Variants in HPSE2 observed in about 807,000 individuals in gnomAD.
HPSE2 encodes inactive heparanase-2.
In HPSE2, 38 loss-of-function variants were observed where a neutral mutation model predicts 60.5. The ratio of observed to expected loss-of-function variants is 0.63; its 90% CI spans 0.48 to 0.82. HPSE2 has a LOEUF of 0.82. Ranked by LOEUF, HPSE2 falls within the 40% of genes least tolerant of loss-of-function variation. The pLI, the probability that HPSE2 is intolerant of heterozygous loss-of-function variation, is 0.00. For missense variants in HPSE2, 713 were observed against 740.4 expected (o/e 0.96, Z 0.43); for synonymous variants, 295 against 293.2 (o/e 1.01, Z -0.06).
chr10:98,781,014 T>C (rs1288036713), intron 3 of HPSE2, among the ~76,000 whole-genome samples: 1 of 152,046 alleles, frequency 6.6e-6, no homozygotes, highest in Admixed American at 6.6e-5. Context: ...TCTACCTTTA[T>C]CTCTTTCTGC....
intron 3 of HPSE2, among the ~76,000 whole-genome samples, chr10:98,771,205 C>T (rs1335650534): frequency 6.6e-6 from 1 of 152,058 alleles, no homozygotes; most frequent in Non-Finnish European, 1.5e-5. Context: ...CATGGCTAAG[C>T]AGAAAACTGA....
Position 99,235,747 on chromosome 10 carries a change from G to C in HPSE2, c.56C>G (p.Pro19Arg), listed in dbSNP as rs756798176. The change falls in exon 1 of 12, where the codon CCC (proline) becomes CGC (arginine). Residue 19 changes from proline to arginine, a missense_variant. Physicochemically the swap from Pro to Arg is moderately radical, Grantham distance 103. Coordinates refer to ENST00000370552, the MANE Select transcript of HPSE2 (RefSeq NM_021828.5). ...EAMPSSNSRP[P>R]ACLAPGALYL... ...GAGAGCCCCCGGGGCTAGGCACGCG[G>C]GGGGGCGGGAGTTGCTGGAGGGCAT... The C allele has an allele frequency of 6.8e-6, 11 of 1,613,950 alleles. No individual in the cohort carries two copies. The highest frequency in any genetic ancestry group is 1.3e-5 in the African/African-American group (1 of 75,006).
rs530617052 is a variant in HPSE2, at chr10:98,940,409, C to T, written c.611-196353G>A. On this transcript the variant is annotated intron_variant, in intron 3 of 11. Coordinates refer to ENST00000370552, the MANE Select transcript of HPSE2 (RefSeq NM_021828.5). ...AAAATGATAAAGGGGATATCACCACCGATCCCACAGAAATACAAACTACCA... is the reference window on the plus strand; with the variant it reads ...AAAATGATAAAGGGGATATCACCACTGATCCCACAGAAATACAAACTACCA... Among the ~76,000 whole-genome samples, 41 of 142,618 alleles carry T rather than the reference C, an allele frequency of 2.9e-4. 6 individuals are homozygous for T. The highest frequency in any genetic ancestry group is 2.6e-3 in the East Asian group (13 of 5,046). 93.6% of individuals were successfully genotyped at this position (142,618 alleles called of 152,430 possible). A position where few individuals can be genotyped will look rare whatever the true frequency, so the allele number is the denominator to read the frequency against.
At chr10:99,250,313 T>C in the HPSE2 span, among the ~76,000 whole-genome samples, 1 of 152,124 alleles carries the variant, frequency 6.6e-6, no homozygotes, top group Non-Finnish European at 1.5e-5. Context: ...TAAACCTCTT[T>C]TCTTTATAAA....
rs887471151 is a variant in HPSE2 at position 98,588,462 on chromosome 10, T to C, written c.1320+26442A>G. Among the ~76,000 whole-genome samples the C allele has an allele frequency of 2.0e-5, 3 of 152,186 alleles. No individual in the cohort carries two copies. The East Asian group carries it at 5.8e-4, about 29-fold the overall frequency. On this transcript the variant is annotated intron_variant, in intron 9 of 11. Transcript: ENST00000370552. ...CACAGAAACAGTGTCTTGGTGTGATTCTGCAAGACAAGACCGAAGTCAGTG... is the reference window on the plus strand; with the variant it reads ...CACAGAAACAGTGTCTTGGTGTGATCCTGCAAGACAAGACCGAAGTCAGTG...
chr10:98,690,082 G>A (rs1948034897), intron 6 of HPSE2, among the ~76,000 whole-genome samples: 1 of 152,138 alleles, frequency 6.6e-6, no homozygotes, highest in African/African-American at 2.4e-5. Flanking sequence ...AGATGTGAGG[G>A]AAGTTTATAT....
At chr10:98,565,008 A>G (rs1407852744) in intron 9 of HPSE2, among the ~76,000 whole-genome samples, 1 of 151,864 alleles carries the variant, frequency 6.6e-6, no homozygotes, top group Non-Finnish European at 1.5e-5. Flanking sequence ...TGTTGTCCAC[A>G]TTATATTACT....
At chr10:98,740,939 A>G (rs895105369) in intron 4 of HPSE2, among the ~76,000 whole-genome samples, 2 of 152,198 alleles carry the variant, frequency 1.3e-5, no homozygotes, top group Non-Finnish European at 2.9e-5. Context: ...TGTACATTGG[A>G]TATCTTAAGA....
intron 2 of HPSE2, among the ~76,000 whole-genome samples, chr10:99,218,377 A>G (rs1247890440): frequency 1.3e-5 from 2 of 151,972 alleles, no homozygotes; most frequent in African/African-American, 2.4e-5. Context: ...GCTGTAACAC[A>G]GGAAATCCCC....
intron 9 of HPSE2, among the ~76,000 whole-genome samples, chr10:98,546,520 C>G: frequency 6.6e-6 from 1 of 151,842 alleles, no homozygotes; most frequent in Non-Finnish European, 1.5e-5. Flanking sequence ...ACTATCTGAT[C>G]TTTGACAAAC....
At chr10:98,651,147 C>G (rs1946902568) in intron 6 of HPSE2, among the ~76,000 whole-genome samples, 1 of 152,198 alleles carries the variant, frequency 6.6e-6, no homozygotes, top group Admixed American at 6.5e-5. Context: ...GAAATCTTAC[C>G]TCACTATGAT....
intron 3 of HPSE2, among the ~76,000 whole-genome samples, chr10:99,073,774 A>C (rs553823962): frequency 6.6e-6 from 1 of 152,246 alleles, no homozygotes; most frequent in East Asian, 1.9e-4. Context: ...CTCCTTAGTC[A>C]AGTTTATTAC....
chr10:98,816,902 T>C (rs1487477940), intron 3 of HPSE2, among the ~76,000 whole-genome samples: 1 of 152,108 alleles, frequency 6.6e-6, no homozygotes, highest in African/African-American at 2.4e-5. Context: ...TTAGATAACA[T>C]AGTTTATGTC....
chr10:98,575,368 C>T (rs771617183), intron 9 of HPSE2, among the ~76,000 whole-genome samples: 47 of 152,134 alleles, frequency 3.1e-4, no homozygotes, highest in Non-Finnish European at 5.9e-4. Context: ...AGGTGGAAGA[C>T]AGCCAAGTTG....
At chr10:99,190,517 C>T (rs1195593174) in intron 2 of HPSE2, among the ~76,000 whole-genome samples, 1 of 152,162 alleles carries the variant, frequency 6.6e-6, no homozygotes, top group Non-Finnish European at 1.5e-5. Flanking sequence ...AGTTAGAGTT[C>T]ATATATATGT....
intron 9 of HPSE2, among the ~76,000 whole-genome samples, chr10:98,567,205 G>T (rs1203200605): frequency 5.9e-5 from 9 of 152,212 alleles, no homozygotes; most frequent in Admixed American, 5.9e-4. Flanking sequence ...ACTGTAGTGT[G>T]AGACAGGATG....
At chr10:98,794,779 T>C (rs546202509) in intron 3 of HPSE2, among the ~76,000 whole-genome samples, 7 of 152,238 alleles carry the variant, frequency 4.6e-5, no homozygotes, top group African/African-American at 1.7e-4. Context: ...ACTAATATGC[T>C]GGGAAGGTGA....
At chr10:98,479,025 T>C (rs1339400599) in intron 11 of HPSE2, among the ~76,000 whole-genome samples, 1 of 152,158 alleles carries the variant, frequency 6.6e-6, no homozygotes, top group Non-Finnish European at 1.5e-5. Flanking sequence ...GTGCTTCCTG[T>C]GTGATACTTG....
intron 3 of HPSE2, among the ~76,000 whole-genome samples, chr10:98,798,464 A>T (rs1164609386): frequency 6.6e-6 from 1 of 152,220 alleles, no homozygotes; most frequent in Non-Finnish European, 1.5e-5. Flanking sequence ...TGTGTAAACT[A>T]TTCTTAAGTA....
Sources: gnomAD v4.1 joint callset for allele counts (sites outside exome capture counted in the v4.1 genomes callset) on GRCh38, gnomAD v4.1.1 for gene constraint, MANE v1.5 for transcripts, NCBI Gene and HGNC (gene_info 2026-07-23, HGNC 2026-07-21) for gene names.